FYTTD1: variants seen among roughly 807,000 people sequenced by gnomAD.
FYTTD1 encodes UAP56-interacting factor.
In FYTTD1, 22 loss-of-function variants were observed where a neutral mutation model predicts 40.9. The ratio of observed to expected loss-of-function variants is 0.54; its 90% CI spans 0.38 to 0.77. The LOEUF (loss-of-function observed/expected upper bound fraction) is 0.77, where lower values mean the gene tolerates loss of function less well. FYTTD1 is among the 30% of genes least tolerant of loss of function. The pLI is 0.00. For synonymous variants in FYTTD1, 140 were observed against 137.9 expected (o/e 1.01, Z -0.10); for missense variants, 351 against 392.2 (o/e 0.90, Z 0.89).
intron 2 of FYTTD1, among the ~76,000 whole-genome samples, chr3:197,766,536 A>T (rs1389324991): frequency 1.3e-5 from 2 of 151,032 alleles, no homozygotes; most frequent in African/African-American, 4.9e-5. Flanking sequence ...TCTGCTTCCC[A>T]GGCTCAAATG....
intron 3 of FYTTD1, among the ~76,000 whole-genome samples, chr3:197,769,055 G>A (rs780535902): frequency 4.0e-5 from 6 of 151,284 alleles, no homozygotes; most frequent in Non-Finnish European, 8.8e-5. Flanking sequence ...GTGAGCCACC[G>A]TGCCTGGCCG....
At chr3:197,768,902 C>T (rs6805173) in intron 3 of FYTTD1, among the ~76,000 whole-genome samples, 4,112 of 147,912 alleles carry the variant, frequency 0.028, 161 homozygotes, top group African/African-American at 0.095. Context: ...AAGCAGTTCT[C>T]CTGCCTCAGC....
chr3:197,759,181 T>C (rs769530923), intron 2 of FYTTD1, among the ~76,000 whole-genome samples: 12 of 151,118 alleles, frequency 7.9e-5, no homozygotes, highest in South Asian at 2.1e-4. Context: ...TGTATAGAGT[T>C]GTTCCTCAGT....
chr3:197,750,431 C>G (rs1304890281), intron 1 of FYTTD1: 1 of 1,019,942 alleles, frequency 9.8e-7, no homozygotes, highest in African/African-American at 1.7e-5. Context: ...AAAGATCTGC[C>G]GGTTTCCCCG....
chr3:197,787,234 C>A lies in FYTTD1; in HGVS notation c.*5325C>A, dbSNP rs1730173841. On this transcript the variant is annotated 3_prime_UTR_variant, in exon 9 of 9. Transcript: ENST00000241502. ...CAAGCGATTTTCCTGTCTCAACCTT[C>A]CAAGTATCTGGGATTACAGGCACGT... The A allele has an allele frequency of 6.6e-6, 1 of 151,732 alleles. No individual in the cohort carries two copies. Among genetic ancestry groups the A allele is most frequent in the Non-Finnish European group, 1.5e-5 (1 of 68,148 alleles). 9.4% of individuals were successfully genotyped at this position (151,732 alleles called of 1,614,324 possible).
At chr3:197,750,874 C>T (rs1729009258) in intron 1 of FYTTD1, 5 of 983,706 alleles carry the variant, frequency 5.1e-6, no homozygotes, top group Non-Finnish European at 6.0e-6. Context: ...GGTTTCTTGC[C>T]GATTATATAA....
chr3:197,777,057 A>C (rs1238603773), intron 7 of FYTTD1, 56 bp downstream of exon 7: 1 of 1,060,266 alleles, frequency 9.4e-7, no homozygotes, highest in Admixed American at 2.0e-5. Flanking sequence ...ATGAGATCAT[A>C]AGAAAGTATT....
rs1730053019 is a variant in FYTTD1 at position 197,782,421 on chromosome 3, CTT to C, written c.*513_*514del. 1 of 152,198 alleles carries C rather than the reference CTT, an allele frequency of 6.6e-6. No individual in the cohort carries two copies. The highest frequency in any genetic ancestry group is 2.4e-5 in the African/African-American group (1 of 41,446). The allele number at this position is 152,198 out of a possible 1,614,324, so 9.4% of individuals were successfully genotyped here. ...GAATTTCCAGCTGTGGGTTTGAAGACTTAGGGGGACATCCAGAACGTGCTTCC... is the reference window on the plus strand; with the variant it reads ...GAATTTCCAGCTGTGGGTTTGAAGACAGGGGGACATCCAGAACGTGCTTCC... On this transcript the variant is annotated 3_prime_UTR_variant, in exon 9 of 9. Coordinates refer to ENST00000241502, the MANE Select transcript of FYTTD1 (RefSeq NM_032288.7).
chr3:197,753,005 G>A (rs116567479), intron 1 of FYTTD1, among the ~76,000 whole-genome samples: 240 of 152,288 alleles, frequency 1.6e-3, no homozygotes, highest in African/African-American at 5.5e-3. Flanking sequence ...AGAAAACTGA[G>A]GGGTAGTTCT....
In FYTTD1 at chr3:197,785,230, TCATCCCTCAGTATAC is replaced by T. The variant is rs1730128691; in HGVS notation, c.*3322_*3336del. The T allele has an allele frequency of 6.6e-6, 1 of 152,218 alleles. No individual in the cohort carries two copies. Among genetic ancestry groups the T allele is most frequent in the Non-Finnish European group, 1.5e-5 (1 of 68,036 alleles). 9.4% of individuals were successfully genotyped at this position (152,218 alleles called of 1,614,324 possible). ...CTCTTCACCACAATTTTAATTACAGTCATCCCTCAGTATACACGGAGGATTGGTTCCAGGACCCTT... is the reference window on the plus strand; with the variant it reads ...CTCTTCACCACAATTTTAATTACAGTACGGAGGATTGGTTCCAGGACCCTT... On this transcript the variant is annotated 3_prime_UTR_variant, in exon 9 of 9. Transcript: ENST00000241502.
rs375990716 is a variant in FYTTD1, at chr3:197,784,958, T to A, written c.*3049T>A. On this transcript the variant is annotated 3_prime_UTR_variant, in exon 9 of 9. Transcript: ENST00000241502. ...CAGAGTTATTTTTTGAGCTCAGATC[T>A]TCTAATTCTTAATTGATAATAAACT... 5.9e-5 allele frequency: 9 copies of A among 152,222 alleles called. No individual in the cohort carries two copies. The East Asian group carries it at 1.2e-3, about 20-fold the overall frequency. 9.4% of individuals were successfully genotyped at this position (152,222 alleles called of 1,614,324 possible).
intron 1 of FYTTD1, among the ~76,000 whole-genome samples, chr3:197,752,720 A>G (rs13319288): frequency 0.037 from 5,598 of 151,954 alleles, 183 homozygotes; most frequent in African/African-American, 0.08. Flanking sequence ...ATGTCTATAT[A>G]TGGCTTGGTT....
intron 1 of FYTTD1, among the ~76,000 whole-genome samples, chr3:197,751,560 G>C (rs1729048306): frequency 6.6e-6 from 1 of 152,142 alleles, no homozygotes; most frequent in Non-Finnish European, 1.5e-5. Context: ...GCTGGAACCC[G>C]CGGGCGGATG....
chr3:197,766,917 T>C (rs190572298), intron 2 of FYTTD1, among the ~76,000 whole-genome samples: 192 of 152,282 alleles, frequency 1.3e-3, no homozygotes, highest in Non-Finnish European at 2.1e-3. Flanking sequence ...AATGTTAACT[T>C]TTAAAATATA....
In FYTTD1 at chr3:197,777,019, T is replaced by C. The variant is rs1243498053; in HGVS notation, c.731+18T>C. 1 of 1,527,346 alleles carries C rather than the reference T, an allele frequency of 6.5e-7. No individual in the cohort carries two copies. The highest frequency in any genetic ancestry group is 9.0e-7 in the Non-Finnish European group (1 of 1,107,856). 94.6% of individuals were successfully genotyped at this position (1,527,346 alleles called of 1,614,324 possible). A position where few individuals can be genotyped will look rare whatever the true frequency, so the allele number is the denominator to read the frequency against. On this transcript the variant is annotated intron_variant, in intron 7 of 8. Coordinates refer to ENST00000241502, the MANE Select transcript of FYTTD1 (RefSeq NM_032288.7). The stretch of plus-strand genomic sequence containing the variant: ...TGCCCAGTGTAAGTTGTTTCTTTCT[T>C]TTTGCAAAAATTATAACCTCTCATT...
rs1365295248 is a variant in FYTTD1, at chr3:197,782,994, T to A, written c.*1085T>A. 6.6e-6 allele frequency: 1 copy of A among 152,230 alleles called. No individual in the cohort carries two copies. Among genetic ancestry groups the A allele is most frequent in the Non-Finnish European group, 1.5e-5 (1 of 67,924 alleles). 9.4% of individuals were successfully genotyped at this position (152,230 alleles called of 1,614,324 possible). ...TTGTATATGTCACAGAGAAAAAAAA[T>A]GCAAAATTTATAATAGAGTTACATT... is the stretch of plus-strand genomic sequence containing the variant. On this transcript the variant is annotated 3_prime_UTR_variant, in exon 9 of 9. Coordinates refer to ENST00000241502, the MANE Select transcript of FYTTD1 (RefSeq NM_032288.7).
intron 4 of FYTTD1, among the ~76,000 whole-genome samples, chr3:197,771,733 C>A (rs1436862199): frequency 7.1e-6 from 1 of 140,890 alleles, no homozygotes; most frequent in Non-Finnish European, 1.5e-5. Flanking sequence ...GCCGAGATCC[C>A]GCCACTGCAC....
Position 197,756,445 on chromosome 3 carries a change from T to G in FYTTD1, c.123T>G (p.Asn41Lys). 1 of 1,604,740 alleles carries G rather than the reference T, an allele frequency of 6.2e-7. No individual in the cohort carries two copies. The highest frequency in any genetic ancestry group is 1.1e-5 in the South Asian group (1 of 90,872). The change falls in exon 2 of 9, where the codon AAT becomes AAG. Residue 41 changes from asparagine (N) to lysine (K), a missense_variant. Coordinates refer to ENST00000241502, the MANE Select transcript of FYTTD1 (RefSeq NM_032288.7). Reference sequence around the variant, plus strand: ...TCATAGATGATATCATCAAGTTGAATCGAAAGGAAGGGAAGAAGCAGAATT... The same window carrying G: ...TCATAGATGATATCATCAAGTTGAAGCGAAAGGAAGGGAAGAAGCAGAATT... ...DMSLDDIIKL[N>K]RKEGKKQNFP...
intron 6 of FYTTD1, among the ~76,000 whole-genome samples, chr3:197,776,384 GTTTTTTT>G (rs869308035): frequency 7.5e-6 from 1 of 133,390 alleles, no homozygotes; most frequent in Non-Finnish European, 1.5e-5. Flanking sequence ...GCTTAAATTT[GTTTTTTT>G]TTTTTTTTTT....
Sources: allele counts gnomAD v4.1 joint callset (sites outside exome capture counted in the v4.1 genomes callset), GRCh38; gene constraint gnomAD v4.1.1; transcripts MANE v1.5; gene names NCBI Gene and HGNC (gene_info 2026-07-23, HGNC 2026-07-21).